The following TASP1 variants were observed in gnomAD, a reference collection of about 807,000 sequenced individuals.
TASP1 encodes the protein taspase 1.
TASP1 carries 16 observed loss-of-function variants against 56.6 expected under a neutral mutation model. The observed-to-expected ratio is 0.28, with a 90% CI of 0.19 to 0.43. TASP1 has a LOEUF of 0.43. Among genes scored for constraint, TASP1 ranks in the 20% least tolerant of loss-of-function variants. The pLI is 1.00. For synonymous variants in TASP1, 179 were observed against 184.2 expected (o/e 0.97, Z 0.23); for missense variants, 393 against 511.6 (o/e 0.77, Z 2.24).
chr20:13,121,169 C>T, the TASP1 span, among the ~76,000 whole-genome samples: 268 of 152,304 alleles, frequency 1.8e-3, 1 homozygote, highest in African/African-American at 6.1e-3. Context: ...TGCCTGGTGC[C>T]GAACACTGGC....
intron 4 of TASP1, among the ~76,000 whole-genome samples, chr20:13,592,132 C>T (rs1028940976): frequency 6.6e-6 from 1 of 152,046 alleles, no homozygotes; most frequent in African/African-American, 2.4e-5. Flanking sequence ...GGCACAGTGG[C>T]GCACACCTGT....
Position 13,629,955 on chromosome 20 carries a change from C to T in TASP1, c.124G>A (p.Gly42Ser). The T allele has an allele frequency of 3.1e-6, 5 of 1,613,726 alleles. No homozygotes were observed. The highest frequency in any genetic ancestry group is 4.2e-6 in the Non-Finnish European group (5 of 1,179,878). ...TTACCTGCATGCACCAACACAAAGCCTCCTCGTTTCTCTTTATAGGACTGC... is the reference window on the plus strand; with the variant it reads ...TTACCTGCATGCACCAACACAAAGCTTCCTCGTTTCTCTTTATAGGACTGC... ...TKQSYKEKRG[G>S]FVLVHAGAGY... Residue 42 changes from glycine to serine, a missense_variant, in exon 2 of 14, where the codon GGC becomes AGC. Physicochemically the swap from Gly to Ser is moderately conservative, Grantham distance 56 (BLOSUM62 0). Transcript: ENST00000337743.
rs1339097968 is a variant in TASP1 at position 13,534,093 on chromosome 20, G to A, written c.724C>T (p.His242Tyr). 2 of 1,613,582 alleles carry A rather than the reference G, an allele frequency of 1.2e-6. No homozygotes were observed. Among genetic ancestry groups the A allele is most frequent in the African/African-American group, 2.7e-5 (2 of 74,944 alleles). Reference protein sequence around the residue: ...LDTVGAVVVDHEGNVAAAVSS... With the variant: ...LDTVGAVVVDYEGNVAAAVSS... Reference sequence around the variant, plus strand: ...ACAGCAGCAGCAACATTCCCTTCGTGGTCCACAACCACAGCGCCTACCGTG... The same window carrying A: ...ACAGCAGCAGCAACATTCCCTTCGTAGTCCACAACCACAGCGCCTACCGTG... Residue 242 changes from histidine to tyrosine, a missense_variant, in exon 9 of 14, where the codon CAC becomes TAC. Physicochemically the swap from His to Tyr is moderately conservative, Grantham distance 83. Around this residue, in one of 3 missense-constraint regions of TASP1, gnomAD observed 293 missense variants for 354.2 expected, o/e 0.83. Transcript: ENST00000337743.
chr20:13,287,240 A>T, the TASP1 span, among the ~76,000 whole-genome samples: 1 of 152,194 alleles, frequency 6.6e-6, no homozygotes, highest in Non-Finnish European at 1.5e-5. Flanking sequence ...TCATGGTGGA[A>T]GGCAAAGGAA....
the TASP1 span, among the ~76,000 whole-genome samples, chr20:13,238,737 C>T: frequency 4.6e-5 from 7 of 152,146 alleles, no homozygotes; most frequent in South Asian, 2.1e-4. Context: ...GTCACATCTA[C>T]GATCAAAATG....
intron 4 of TASP1, 49 bp downstream of exon 4, chr20:13,623,397 A>C: frequency 1.3e-6 from 2 of 1,498,306 alleles, no homozygotes; most frequent in Non-Finnish European, 1.8e-6. Context: ...TTTAAGAACA[A>C]TAAAGATAAA....
chr20:13,244,684 C>G, the TASP1 span, among the ~76,000 whole-genome samples: 1 of 152,180 alleles, frequency 6.6e-6, no homozygotes, highest in Non-Finnish European at 1.5e-5. Flanking sequence ...TCTTCAAAAT[C>G]CCTGGCCAGG....
At chr20:13,351,819 A>ATT in the TASP1 span, among the ~76,000 whole-genome samples, 1 of 152,354 alleles carries the variant, frequency 6.6e-6, no homozygotes, top group East Asian at 1.9e-4. Flanking sequence ...TTGTGTCACC[A>ATT]TAGAACAGTG....
At chr20:13,408,372 G>A (rs536560549) in intron 13 of TASP1, among the ~76,000 whole-genome samples, 4 of 152,176 alleles carry the variant, frequency 2.6e-5, no homozygotes, top group East Asian at 1.9e-4. Flanking sequence ...TGGTGTCCAC[G>A]GGCAATAATA....
At chr20:13,294,713 C>T in the TASP1 span, among the ~76,000 whole-genome samples, 1 of 152,202 alleles carries the variant, frequency 6.6e-6, no homozygotes, top group Non-Finnish European at 1.5e-5. Flanking sequence ...TCAATGACTA[C>T]TCAGAGAGGA....
At chr20:13,392,457 C>T (rs191120818) in intron 13 of TASP1, among the ~76,000 whole-genome samples, 6 of 152,290 alleles carry the variant, frequency 3.9e-5, no homozygotes, top group Admixed American at 3.3e-4. Flanking sequence ...AATTGAAAGT[C>T]GGTTTTGGGC....
the TASP1 span, chr20:13,270,528 A>T: frequency 6.2e-7 from 1 of 1,613,572 alleles, no homozygotes; most frequent in Non-Finnish European, 8.5e-7. Flanking sequence ...GGGAAGTGAC[A>T]CCACATCAGA....
the TASP1 span, among the ~76,000 whole-genome samples, chr20:13,309,878 A>G: frequency 0.043 from 6,523 of 152,288 alleles, 491 homozygotes; most frequent in East Asian, 0.3. Context: ...GAATACATTT[A>G]ACCAAATGGA....
the TASP1 span, among the ~76,000 whole-genome samples, chr20:13,180,130 T>C: frequency 2.0e-5 from 3 of 152,198 alleles, no homozygotes; most frequent in African/African-American, 7.2e-5. Flanking sequence ...AAAAATCTAG[T>C]AATGATTTCA....
chr20:13,551,026 AAAG>A (rs2045966519), intron 8 of TASP1, among the ~76,000 whole-genome samples: 2 of 152,176 alleles, frequency 1.3e-5, no homozygotes, highest in Admixed American at 1.3e-4. Flanking sequence ...ATATACTTCA[AAAG>A]AATAGAATAT....
intron 12 of TASP1, among the ~76,000 whole-genome samples, chr20:13,421,292 T>G (rs2042426028): frequency 6.6e-6 from 1 of 151,730 alleles, no homozygotes; most frequent in African/African-American, 2.4e-5. Flanking sequence ...CCAGGCTGGT[T>G]TCGAACTCTT....
the TASP1 span, among the ~76,000 whole-genome samples, chr20:13,220,477 C>T: frequency 2.6e-5 from 4 of 152,238 alleles, no homozygotes; most frequent in Admixed American, 2.6e-4. Context: ...CCCCCAAATC[C>T]CCTCTGGGCG....
At chr20:13,310,981 G>A in the TASP1 span, among the ~76,000 whole-genome samples, 1 of 152,166 alleles carries the variant, frequency 6.6e-6, no homozygotes, top group South Asian at 2.1e-4. Context: ...ATCACCTGAG[G>A]TCAGGAGTTT....
chr20:13,443,726 A>G (rs1434983332), intron 11 of TASP1, among the ~76,000 whole-genome samples: 1 of 152,228 alleles, frequency 6.6e-6, no homozygotes. Context: ...GGAGAACCAC[A>G]ATGAATATTA....
Sources: allele counts gnomAD v4.1 joint callset (sites outside exome capture counted in the v4.1 genomes callset), GRCh38; gene constraint gnomAD v4.1.1; regional missense constraint gnomAD v4.1.1; transcripts MANE v1.5; gene names NCBI Gene and HGNC (gene_info 2026-07-23, HGNC 2026-07-21).